PCDHA1: variants seen among roughly 807,000 people sequenced by gnomAD.
PCDHA1 encodes protocadherin alpha-1.
In PCDHA1, 42 loss-of-function variants were observed where a neutral mutation model predicts 61.3. The observed-to-expected ratio is 0.69, with a 90% CI of 0.54 to 0.89. The LOEUF is 0.89. Ranked by LOEUF, PCDHA1 falls within the 40% of genes least tolerant of loss-of-function variation. The pLI is 0.00. For missense variants in PCDHA1, 1,256 were observed against 1,235.3 expected, an observed-to-expected ratio of 1.02 and a Z score of -0.25; for synonymous variants, 610 against 553.8, an observed-to-expected ratio of 1.10 and a Z score of -1.43.
At chr5:140,968,210 A>T (rs376166734) in intron 1 of PCDHA1, 4 of 1,613,882 alleles carry the variant, frequency 2.5e-6, no homozygotes, top group Non-Finnish European at 3.4e-6. Flanking sequence ...ACAGGAGAAC[A>T]ATTTGCCAGG....
In PCDHA1 at chr5:140,850,682, G is replaced by C. The variant is rs2150493727; in HGVS notation, c.2394+61998G>C. On this transcript the variant is annotated intron_variant, in intron 1 of 3. Coordinates refer to ENST00000504120, the MANE Select transcript of PCDHA1 (RefSeq NM_018900.4). The stretch of plus-strand genomic sequence containing the variant: ...TGCGGTGCTCGGCGATGCCCACCGA[G>C]GGCGAGTGCGCGCCTGGCAAGCCGA... The C allele has an allele frequency of 3.1e-5, 50 of 1,598,558 alleles. 3 individuals carry two copies. In the East Asian group the frequency reaches 1.1e-3, roughly 35 times the overall value.
chr5:140,897,722 T>G (rs1236534951), intron 1 of PCDHA1, among the ~76,000 whole-genome samples: 10 of 152,162 alleles, frequency 6.6e-5, no homozygotes, highest in Admixed American at 6.5e-4. Context: ...GATGGCTGGG[T>G]CAAATAGTAT....
At chr5:140,893,762 T>A (rs1337056301) in intron 1 of PCDHA1, among the ~76,000 whole-genome samples, 1 of 152,196 alleles carries the variant, frequency 6.6e-6, no homozygotes, top group Non-Finnish European at 1.5e-5. Context: ...TATAGGTGAC[T>A]TGTCACTTTT....
chr5:140,838,729 A>G (rs2150291864), intron 1 of PCDHA1, among the ~76,000 whole-genome samples: 7 of 152,120 alleles, frequency 4.6e-5, no homozygotes, highest in Non-Finnish European at 8.8e-5. Flanking sequence ...TCAGTCTAGT[A>G]GTTTGAGACC....
chr5:140,896,721 T>C (rs774174943), intron 1 of PCDHA1, among the ~76,000 whole-genome samples: 1 of 152,176 alleles, frequency 6.6e-6, no homozygotes, highest in Non-Finnish European at 1.5e-5. Flanking sequence ...TGCTTGTTAA[T>C]TTGTTTAAGT....
At chr5:140,956,953 C>T (rs1347983778) in intron 1 of PCDHA1, among the ~76,000 whole-genome samples, 1 of 135,202 alleles carries the variant, frequency 7.4e-6, no homozygotes, top group Non-Finnish European at 1.7e-5. Flanking sequence ...CATTAAAACA[C>T]TGTAATTAAT....
intron 1 of PCDHA1, chr5:140,855,887 CAA>C: frequency 1.0e-6 from 1 of 985,616 alleles, no homozygotes; most frequent in Non-Finnish European, 1.5e-6. Flanking sequence ...CTTTTTAGAA[CAA>C]AGGCATCAGC....
intron 1 of PCDHA1, among the ~76,000 whole-genome samples, chr5:140,938,890 C>T (rs979482011): frequency 5.9e-5 from 9 of 152,080 alleles, no homozygotes; most frequent in Non-Finnish European, 8.8e-5. Flanking sequence ...CACACACACA[C>T]AGATGCGCAC....
intron 1 of PCDHA1, chr5:140,830,319 G>A: frequency 6.2e-7 from 1 of 1,614,036 alleles, no homozygotes; most frequent in Non-Finnish European, 8.5e-7. Context: ...GTGTGCTCCA[G>A]CGCAGTGGGG....
At chr5:140,998,049 ACAT>A (rs782468760) in intron 3 of PCDHA1, among the ~76,000 whole-genome samples, 4 of 152,194 alleles carry the variant, frequency 2.6e-5, no homozygotes, top group Admixed American at 6.5e-5. Flanking sequence ...TAACTCAGTG[ACAT>A]CATCATCAAC....
At position 140,826,671 on chromosome 5, in the gene PCDHA1, C is replaced by T. The variant is rs1040298871; in HGVS notation, c.2394+37987C>T. On this transcript the variant is annotated intron_variant, in intron 1 of 3. Coordinates refer to ENST00000504120, the MANE Select transcript of PCDHA1 (RefSeq NM_018900.4). ...AACATTTTTGCAAGTAAATTGTAGA[C>T]GTAATTAAAAAAACCCAGCTAAAAC... 1.1e-4 allele frequency among the ~76,000 whole-genome samples: 17 copies of T among 151,838 alleles called. No individual in the cohort carries two copies. In the East Asian group the frequency reaches 2.1e-3, roughly 19 times the overall value.
At chr5:140,897,120 C>G (rs116233032) in intron 1 of PCDHA1, among the ~76,000 whole-genome samples, 4 of 152,134 alleles carry the variant, frequency 2.6e-5, no homozygotes, top group African/African-American at 9.7e-5. Context: ...TCTGTCCACA[C>G]CCCACTAAAC....
At position 140,849,164 on chromosome 5, in the gene PCDHA1, T is replaced by G. The variant is rs2150431781; in HGVS notation, c.2394+60480T>G. 3.3e-5 allele frequency: 39 copies of G among 1,167,302 alleles called. 1 individual carries two copies. The highest frequency in any genetic ancestry group is 4.4e-5 in the Non-Finnish European group (37 of 840,698). The allele number at this position is 1,167,302 out of a possible 1,614,324, so 72.3% of individuals were successfully genotyped here. On this transcript the variant is annotated intron_variant, in intron 1 of 3. Coordinates refer to ENST00000504120, the MANE Select transcript of PCDHA1 (RefSeq NM_018900.4). The stretch of plus-strand genomic sequence containing the variant: ...CCGATGGAGGCAAACCCGAGCTGAC[T>G]GGCACCGTTCAATTACTCATCACGG...
chr5:140,925,402 T>C (rs1379767028), intron 1 of PCDHA1, among the ~76,000 whole-genome samples: 1 of 152,110 alleles, frequency 6.6e-6, no homozygotes, highest in Non-Finnish European at 1.5e-5. Context: ...CTCGCCTCCT[T>C]CTTAGGGAAA....
At chr5:140,959,499 C>T (rs2095491321) in intron 1 of PCDHA1, among the ~76,000 whole-genome samples, 1 of 151,982 alleles carries the variant, frequency 6.6e-6, no homozygotes. Flanking sequence ...ATGGATCAAA[C>T]TAAAAAATTT....
Position 140,863,280 on chromosome 5 carries a change from C to T in PCDHA1, c.2394+74596C>T, listed in dbSNP as rs782682336. The T allele has an allele frequency of 3.4e-6, 5 of 1,461,684 alleles. No individual in the cohort carries two copies. The African/African-American group carries it at 5.7e-5, about 17-fold the overall frequency. 90.5% of individuals were successfully genotyped at this position (1,461,684 alleles called of 1,614,324 possible). A position where few individuals can be genotyped will look rare whatever the true frequency, so the allele number is the denominator to read the frequency against. On this transcript the variant is annotated intron_variant, in intron 1 of 3. Coordinates refer to ENST00000504120, the MANE Select transcript of PCDHA1 (RefSeq NM_018900.4). ...TCCGGGAGGCAGCGCTGGTGGATGT[C>T]AACGTGTACCTGATCATCGCCATCT...
intron 3 of PCDHA1, among the ~76,000 whole-genome samples, chr5:141,008,432 C>T (rs2098376587): frequency 6.6e-6 from 1 of 152,082 alleles, no homozygotes. Context: ...ATCACTTTGC[C>T]CAGACAGACC....
chr5:140,870,168 C>A, intron 1 of PCDHA1: 1 of 1,614,108 alleles, frequency 6.2e-7, no homozygotes, highest in Admixed American at 1.7e-5. Context: ...CTTCCTTGTC[C>A]CTCCCAGTAC....
At chr5:140,842,766 C>A (rs2150343854) in intron 1 of PCDHA1, 6 of 1,594,742 alleles carry the variant, frequency 3.8e-6, no homozygotes, top group Non-Finnish European at 5.1e-6. Context: ...GCGCGAGACG[C>A]GGACGCGCAG....
Sources: gnomAD v4.1 joint callset for allele counts (sites outside exome capture counted in the v4.1 genomes callset) on GRCh38, gnomAD v4.1.1 for gene constraint, MANE v1.5 for transcripts, NCBI Gene and HGNC (gene_info 2026-07-23, HGNC 2026-07-21) for gene names.